Variants in AGBL1 observed in about 807,000 individuals in gnomAD.
AGBL1 encodes the protein AGBL carboxypeptidase 1.
In AGBL1, 130 loss-of-function variants were observed where a neutral mutation model predicts 118.9. The observed-to-expected ratio is 1.09, with a 90% CI of 0.95 to 1.26. The LOEUF (loss-of-function observed/expected upper bound fraction) is 1.26, where lower values mean the gene tolerates loss of function less well. Ranked by LOEUF, AGBL1 falls within the 50% of genes most tolerant of loss-of-function variation. AGBL1 has a pLI of 0.00. For missense variants in AGBL1, 1,584 were observed against 1,298.1 expected, an observed-to-expected ratio of 1.22 and a Z score of -3.38; for synonymous variants, 555 against 478.9, an observed-to-expected ratio of 1.16 and a Z score of -2.08.
At chr15:86,874,391 C>CAG (rs2079775066) in intron 22 of AGBL1, among the ~76,000 whole-genome samples, 1 of 151,882 alleles carries the variant, frequency 6.6e-6, no homozygotes, top group South Asian at 2.1e-4. Context: ...GACACACACA[C>CAG]ACACACACAC....
At chr15:86,249,177 AC>A (rs1324128300) in intron 7 of AGBL1, among the ~76,000 whole-genome samples, 1 of 151,864 alleles carries the variant, frequency 6.6e-6, no homozygotes, top group African/African-American at 2.4e-5. Flanking sequence ...CTGCTCACCC[AC>A]CTTCTCCTGG....
downstream of AGBL1, among the ~76,000 whole-genome samples, chr15:86,916,916 T>A (rs1596631818): frequency 6.6e-6 from 1 of 152,078 alleles, no homozygotes; most frequent in Non-Finnish European, 1.5e-5. Context: ...GCCGTTGATA[T>A]CCTGCCAATG....
At chr15:87,010,072 G>A (rs1321826374) in intron 24 of AGBL1, among the ~76,000 whole-genome samples, 3 of 152,144 alleles carry the variant, frequency 2.0e-5, no homozygotes, top group African/African-American at 7.2e-5. Flanking sequence ...GTGAGGACAT[G>A]AGATTTGGGA....
At chr15:86,642,564 T>C (rs2085210350) in intron 21 of AGBL1, among the ~76,000 whole-genome samples, 1 of 151,948 alleles carries the variant, frequency 6.6e-6, no homozygotes. Flanking sequence ...TTAAACAACA[T>C]GCAACTTTTG....
At chr15:87,011,365 A>AAAT (rs1442814674) in intron 24 of AGBL1, among the ~76,000 whole-genome samples, 1 of 152,150 alleles carries the variant, frequency 6.6e-6, no homozygotes, top group Non-Finnish European at 1.5e-5. Context: ...TGAGAACATG[A>AAAT]AATTGTAATA....
chr15:86,922,959 T>C (rs1385702924), intron 23 of AGBL1, among the ~76,000 whole-genome samples: 2 of 152,158 alleles, frequency 1.3e-5, no homozygotes, highest in Admixed American at 1.3e-4. Flanking sequence ...CAGGAGGAGA[T>C]GTTCAATCTG....
intron 22 of AGBL1, among the ~76,000 whole-genome samples, chr15:86,871,954 A>T (rs1193735606): frequency 6.6e-6 from 1 of 152,242 alleles, no homozygotes; most frequent in East Asian, 1.9e-4. Context: ...ACTTTGGTAC[A>T]TATGTTCACA....
At chr15:86,889,648 T>C (rs1217170869) in intron 22 of AGBL1, among the ~76,000 whole-genome samples, 1 of 152,148 alleles carries the variant, frequency 6.6e-6, no homozygotes, top group African/African-American at 2.4e-5. Flanking sequence ...CATGTGGTGT[T>C]TGGTTTTCTG....
chr15:86,535,359 G>A (rs895288097), intron 19 of AGBL1, among the ~76,000 whole-genome samples: 3 of 152,204 alleles, frequency 2.0e-5, no homozygotes, highest in Non-Finnish European at 4.4e-5. Context: ...GAGGACAGTC[G>A]GGGACATCCC....
intron 21 of AGBL1, among the ~76,000 whole-genome samples, chr15:86,673,199 T>C (rs879270195): frequency 7.2e-5 from 11 of 152,310 alleles, no homozygotes; most frequent in Middle Eastern, 6.8e-3. Context: ...GAAAGATAAA[T>C]TGAGCTAATT....
In AGBL1 at chr15:86,114,046, C is replaced by T. The variant is rs1897603489; in HGVS notation, c.52-27958C>T. ...ACTTGAAATAAAATATGTGAGTTAC[C>T]AGTGACATTTCAAAGACTATATTTG... On this transcript the variant is annotated intron_variant, in intron 1 of 22. Transcript: ENST00000614907. 5.3e-5 allele frequency among the ~76,000 whole-genome samples: 8 copies of T among 152,286 alleles called. 1 individual carries two copies. The Middle Eastern group carries it at 0.027, about 518-fold the overall frequency.
In AGBL1 at chr15:86,652,494, T is replaced by C. The variant is rs181398720; in HGVS notation, c.2995-21779T>C. On this transcript the variant is annotated intron_variant, in intron 21 of 22. Transcript: ENST00000614907. ...AAAGATGTTGTCAAAGGATCAATAT[T>C]AACACACCGAGATGTGGTTTAGCTG... Among the ~76,000 whole-genome samples the C allele has an allele frequency of 1.3e-4, 20 of 152,234 alleles. No homozygotes were observed. The South Asian group carries it at 3.9e-3, about 30-fold the overall frequency.
intron 22 of AGBL1, among the ~76,000 whole-genome samples, chr15:86,775,357 T>C (rs1488317124): frequency 6.6e-6 from 1 of 152,074 alleles, no homozygotes; most frequent in Non-Finnish European, 1.5e-5. Context: ...AAAAGGCAAT[T>C]GGGATCTCCT....
intron 21 of AGBL1, among the ~76,000 whole-genome samples, chr15:86,624,188 A>C (rs2084851170): frequency 6.6e-6 from 1 of 152,224 alleles, no homozygotes; most frequent in East Asian, 1.9e-4. Flanking sequence ...AATTCTTCTA[A>C]ACTTCTCTAG....
At chr15:86,251,606 G>A (rs886288061) in intron 7 of AGBL1, among the ~76,000 whole-genome samples, 4 of 151,946 alleles carry the variant, frequency 2.6e-5, no homozygotes, top group Non-Finnish European at 4.4e-5. Flanking sequence ...TTGCCTTTCT[G>A]CTGAGGCCAC....
intron 18 of AGBL1, among the ~76,000 whole-genome samples, chr15:86,482,031 G>A (rs772799323): frequency 6.6e-6 from 1 of 152,146 alleles, no homozygotes; most frequent in Non-Finnish European, 1.5e-5. Flanking sequence ...CTGCTGTGTT[G>A]TTCCCAGCCT....
At chr15:86,364,793 A>T (rs970009377) in intron 17 of AGBL1, among the ~76,000 whole-genome samples, 1 of 151,548 alleles carries the variant, frequency 6.6e-6, no homozygotes, top group African/African-American at 2.4e-5. Context: ...CCTTACCTAC[A>T]ACCTGGTAGG....
chr15:86,685,887 A>G (rs2086045042), intron 22 of AGBL1, among the ~76,000 whole-genome samples: 1 of 152,204 alleles, frequency 6.6e-6, no homozygotes, highest in Admixed American at 6.5e-5. Flanking sequence ...TGTGATCTAT[A>G]TAAATCACTG....
At chr15:86,633,862 AATG>A (rs2085029712) in intron 21 of AGBL1, among the ~76,000 whole-genome samples, 2 of 25,034 alleles carry the variant, frequency 8.0e-5, no homozygotes, top group African/African-American at 4.6e-4. Flanking sequence ...ATATATATAT[AATG>A]TATATATATA....
Sources: allele counts gnomAD v4.1 joint callset (sites outside exome capture counted in the v4.1 genomes callset), GRCh38; gene constraint gnomAD v4.1.1; transcripts MANE v1.5; gene names NCBI Gene and HGNC (gene_info 2026-07-23, HGNC 2026-07-21).